The following PKD2L2 variants were observed in gnomAD, a reference collection of about 807,000 sequenced individuals.
The protein encoded by PKD2L2 is polycystin 2 like 2, transient receptor potential cation channel.
Under a neutral mutation model 83.9 loss-of-function variants are expected in PKD2L2, and 67 were observed. The observed-to-expected ratio is 0.80, with a 90% CI of 0.66 to 0.98. The LOEUF is 0.98. Ranked by LOEUF, PKD2L2 falls within the 50% of genes least tolerant of loss-of-function variation. The pLI, the probability that PKD2L2 is intolerant of heterozygous loss-of-function variation, is 0.00. For synonymous variants in PKD2L2, 223 were observed against 237.8 expected (o/e 0.94, Z 0.57); for missense variants, 632 against 717.2 (o/e 0.88, Z 1.36).
intron 8 of PKD2L2, among the ~76,000 whole-genome samples, chr5:137,918,339 A>G (rs1758566916): frequency 6.6e-6 from 1 of 152,146 alleles, no homozygotes; most frequent in Admixed American, 6.5e-5. Context: ...CTGGATCCCA[A>G]AAAAGGAAAA....
chr5:137,893,642 G>T (rs1299480432), intron 3 of PKD2L2, among the ~76,000 whole-genome samples: 1 of 152,168 alleles, frequency 6.6e-6, no homozygotes, highest in Non-Finnish European at 1.5e-5. Context: ...TATGGAAGAT[G>T]AGGTGGAAAA....
At chr5:137,923,586 G>A in intron 10 of PKD2L2, 65 bp downstream of exon 10, 3 of 808,744 alleles carry the variant, frequency 3.7e-6, no homozygotes, top group South Asian at 1.4e-5. Flanking sequence ...TCCTCTTGTA[G>A]TTTGAATACC....
chr5:137,909,366 A>C (rs1473651891), intron 8 of PKD2L2, among the ~76,000 whole-genome samples: 1 of 151,996 alleles, frequency 6.6e-6, no homozygotes, highest in Non-Finnish European at 1.5e-5. Flanking sequence ...TCACATTCAA[A>C]TTAGGATTTG....
intron 5 of PKD2L2, among the ~76,000 whole-genome samples, chr5:137,904,819 T>C (rs189431341): frequency 3.0e-4 from 45 of 152,352 alleles, no homozygotes; most frequent in African/African-American, 9.4e-4. Context: ...AGTCTTACAT[T>C]TTTTCCTGAA....
chr5:137,930,473 C>G (rs535532371), intron 12 of PKD2L2, among the ~76,000 whole-genome samples: 43 of 151,836 alleles, frequency 2.8e-4, no homozygotes, highest in Non-Finnish European at 5.0e-4. Flanking sequence ...GAGTTCGAGA[C>G]CAGCCTGACC....
intron 12 of PKD2L2, among the ~76,000 whole-genome samples, chr5:137,934,823 C>A (rs1178294161): frequency 1.3e-5 from 2 of 151,684 alleles, no homozygotes; most frequent in African/African-American, 4.8e-5. Flanking sequence ...TGGGAGGCTG[C>A]AGTGAGCCGA....
intron 9 of PKD2L2, among the ~76,000 whole-genome samples, chr5:137,923,085 G>A (rs1179439866): frequency 1.3e-5 from 2 of 148,514 alleles, no homozygotes; most frequent in Admixed American, 6.7e-5. Context: ...GATCTCACTC[G>A]GCTCACTGCA....
chr5:137,894,343 CT>C lies in PKD2L2; in HGVS notation c.268-9del, dbSNP rs767558871. On this transcript the variant is annotated splice_polypyrimidine_tract_variant and intron_variant, in intron 3 of 14. Transcript: ENST00000508883. ...TATTTTTCCCATGACATTTGTTTTT[CT>C]CTGTGGAGTTTATGGAAGGACCCCT... The C allele has an allele frequency of 7.0e-6, 11 of 1,581,404 alleles. No individual in the cohort carries two copies. In the African/African-American group the frequency reaches 1.2e-4, roughly 18 times the overall value.
At chr5:137,895,760 C>T (rs1179223813) in intron 4 of PKD2L2, among the ~76,000 whole-genome samples, 1 of 150,954 alleles carries the variant, frequency 6.6e-6, no homozygotes, top group South Asian at 2.1e-4. Context: ...CACCTGTAGT[C>T]CCAGCTACTC....
Position 137,941,571 on chromosome 5 carries a change from T to C in PKD2L2, c.*18-813T>C, listed in dbSNP as rs115284824. 5.2e-3 allele frequency among the ~76,000 whole-genome samples: 785 copies of C among 152,290 alleles called. 5 individuals are homozygous for C. Among genetic ancestry groups the C allele is most frequent in the Non-Finnish European group, 9.1e-3 (620 of 68,026 alleles). ...CAGTATGAACACAATGGTCTCAGTA[T>C]AAAATAAAAAATCCAAACTAGTTAA... On this transcript the variant is annotated intron_variant, in intron 14 of 14. Coordinates refer to ENST00000508883, the MANE Select transcript of PKD2L2 (RefSeq NM_001300921.2).
intron 8 of PKD2L2, among the ~76,000 whole-genome samples, chr5:137,911,887 TGTAA>T (rs890417843): frequency 1.3e-5 from 2 of 152,316 alleles, no homozygotes; most frequent in Middle Eastern, 6.8e-3. Flanking sequence ...AGACTCCACA[TGTAA>T]GTGAGATCAT....
At chr5:137,934,810 G>C (rs1760179683) in intron 12 of PKD2L2, among the ~76,000 whole-genome samples, 1 of 152,100 alleles carries the variant, frequency 6.6e-6, no homozygotes, top group African/African-American at 2.4e-5. Context: ...CTGGGTGACA[G>C]AGTGGGAGGC....
chr5:137,896,344 T>C (rs1228028370), intron 4 of PKD2L2, among the ~76,000 whole-genome samples: 1 of 152,208 alleles, frequency 6.6e-6, no homozygotes, highest in East Asian at 1.9e-4. Context: ...GTATATACTT[T>C]GTCTTTCTAA....
chr5:137,934,521 G>A (rs891236721), intron 12 of PKD2L2, among the ~76,000 whole-genome samples: 15 of 152,016 alleles, frequency 9.9e-5, no homozygotes, highest in African/African-American at 2.7e-4. Flanking sequence ...GAATATGTTC[G>A]TTTAAGGCTG....
chr5:137,913,177 CTTTT>C (rs1348307368), intron 8 of PKD2L2, among the ~76,000 whole-genome samples: 3 of 125,244 alleles, frequency 2.4e-5, no homozygotes, highest in East Asian at 4.4e-4. Context: ...GCCCAGCCTT[CTTTT>C]TTCTTTTTTT....
intron 2 of PKD2L2, among the ~76,000 whole-genome samples, chr5:137,891,865 A>G (rs917591514): frequency 1.3e-5 from 2 of 152,054 alleles, no homozygotes; most frequent in African/African-American, 2.4e-5. Context: ...GTATGTTTTT[A>G]GTAGAGACAG....
At chr5:137,889,641 C>T (rs1755763423) in intron 1 of PKD2L2, 119 bp downstream of exon 1, 1 of 780,532 alleles carries the variant, frequency 1.3e-6, no homozygotes, top group Admixed American at 3.9e-5. Context: ...CACCTTTAGC[C>T]CTCACAGCCT....
At position 137,907,832 on chromosome 5, in the gene PKD2L2, T is replaced by A. The variant is rs759444570; in HGVS notation, c.1066T>A (p.Ser356Thr). ...GQLLKSTEKY[S>T]DFYFLACWHI... ...GCTGTTGAAAAGTACTGAAAAATAT[T>A]CAGATTTCTATTTTCTTGCATGCTG... The change falls in exon 7 of 15, where the codon TCA (serine) becomes ACA (threonine). Residue 356 changes from serine (S) to threonine (T), a missense_variant. Coordinates refer to ENST00000508883, the MANE Select transcript of PKD2L2 (RefSeq NM_001300921.2). 6.4e-7 allele frequency: 1 copy of A among 1,563,220 alleles called. No homozygotes were observed. Among genetic ancestry groups the A allele is most frequent in the Non-Finnish European group, 8.8e-7 (1 of 1,137,278 alleles).
intron 14 of PKD2L2, chr5:137,940,015 C>A: frequency 1.2e-6 from 2 of 1,608,772 alleles, no homozygotes; most frequent in South Asian, 2.2e-5. Context: ...AGAGGACAGT[C>A]TGTGGTTAAT....
Sources: allele counts gnomAD v4.1 joint callset (sites outside exome capture counted in the v4.1 genomes callset), GRCh38; gene constraint gnomAD v4.1.1; transcripts MANE v1.5; gene names NCBI Gene and HGNC (gene_info 2026-07-23, HGNC 2026-07-21).